ZMYM3: variants seen among roughly 807,000 people sequenced by gnomAD.
ZMYM3 encodes zinc finger MYM-type protein 3.
A neutral mutation model predicts 94.2 loss-of-function variants in ZMYM3; 6 were observed. The ratio of observed to expected loss-of-function variants is 0.06; its 90% confidence interval spans 0.03 to 0.13. The LOEUF is 0.13. Among genes scored for constraint, ZMYM3 ranks in the 10% least tolerant of loss-of-function variants. The probability of loss-of-function intolerance (pLI) is 1.00; values close to 1 mark genes in which losing one functional copy is unlikely to be tolerated. For synonymous variants in ZMYM3, 420 were observed against 426.5 expected, an observed-to-expected ratio of 0.98 and a Z score of 0.19; for missense variants, 664 against 1,132.6, an observed-to-expected ratio of 0.59 and a Z score of 5.94.
chrX:71,242,408 T>C lies in ZMYM3; in HGVS notation c.3564A>G (p.Arg1188=), dbSNP rs2029986135. The change falls in exon 23 of 25, where the codon CGA becomes CGG. Residue 1188 remains arginine (R), a synonymous_variant. Transcript: ENST00000314425. ...TLLPNNTVFS[R]VEEEHLWECK... ...ACTCCCAGAGGTGCTCCTCCTCCAC[T>C]CGAGAGAACACCGTATCTACAATGG... is the stretch of plus-strand genomic sequence containing the variant. 1 of 1,209,054 alleles carries C rather than the reference T, an allele frequency of 8.3e-7. No individual in the cohort carries two copies. The highest frequency in any genetic ancestry group is 1.1e-6 in the Non-Finnish European group (1 of 894,877).
chrX:71,255,082 T>TGATCTC, upstream of ZMYM3: 1 of 75,844 alleles, frequency 1.3e-5, no homozygotes, highest in African/African-American at 4.7e-5. Flanking sequence ...TCACCAGGGC[T>TGATCTC]GATCTCTCTC....
In ZMYM3 at chrX:71,250,640, G is replaced by A; in HGVS notation, c.865C>T (p.Arg289Cys). 1 of 1,210,528 alleles carries A rather than the reference G, an allele frequency of 8.3e-7. No individual in the cohort carries two copies. The highest frequency in any genetic ancestry group is 1.1e-6 in the Non-Finnish European group (1 of 894,814). Residue 289 changes from arginine to cysteine, a missense_variant, in exon 5 of 25, where the codon CGC becomes TGC. By Grantham distance (180) the Arg-to-Cys change is radical (BLOSUM62 -3). This residue lies in a region of ZMYM3 where 45 missense variants were observed against 92.9 expected (regional missense o/e 0.48). Coordinates refer to ENST00000314425, the MANE Select transcript of ZMYM3 (RefSeq NM_201599.3). Reference sequence around the variant, plus strand: ...GACACACTTGAGCGTAGGGACATGCGAGGAGAGCGCCGGGGCCGGAATGGC... The same window carrying A: ...GACACACTTGAGCGTAGGGACATGCAAGGAGAGCGCCGGGGCCGGAATGGC... ...FVPFRPRRSP[R>C]MSLRSSVSQR...
Position 71,246,479 on chromosome X carries a change from G to GGGA in ZMYM3, c.2445_2446insTCC (p.Ala815_Pro816insSer). ...GGGGGTGGTGGGGGTGGAGGGGTGG[G>GGGA]AGCAGTGGGAGCTGATCGGGTCTTC... is the stretch of plus-strand genomic sequence containing the variant. On this transcript the variant is annotated inframe_insertion, in exon 15 of 25. Transcript: ENST00000314425. 2.4e-5 allele frequency: 8 copies of GGGA among 333,458 alleles called. No homozygotes were observed. The highest frequency in any genetic ancestry group is 3.9e-5 in the Non-Finnish European group (7 of 178,498). 27.5% of individuals were successfully genotyped at this position (333,458 alleles called of 1,213,427 possible).
At position 71,246,479 on chromosome X, in the gene ZMYM3, G is replaced by GGGGGGGGGGGGA; in HGVS notation, c.2445_2446insTCCCCCCCCCCC (p.Ala815_Pro816insSerProProPro). On this transcript the variant is annotated inframe_insertion, in exon 15 of 25. Transcript: ENST00000314425. ...GGGGGTGGTGGGGGTGGAGGGGTGG[G>GGGGGGGGGGGGA]AGCAGTGGGAGCTGATCGGGTCTTC... 2.1e-5 allele frequency: 7 copies of GGGGGGGGGGGGA among 333,446 alleles called. No homozygotes were observed. The highest frequency in any genetic ancestry group is 3.6e-5 in the Admixed American group (1 of 28,140). The allele number at this position is 333,446 out of a possible 1,213,427, so 27.5% of individuals were successfully genotyped here.
At chrX:71,251,466 T>A in intron 3 of ZMYM3, 92 bp downstream of exon 3, 1 of 1,083,737 alleles carries the variant, frequency 9.2e-7, no homozygotes, top group East Asian at 3.3e-5. Flanking sequence ...ACACACACTC[T>A]CTACAGAACA....
In ZMYM3 at chrX:71,246,496, C is replaced by T. The variant is rs111331936; in HGVS notation, c.2429G>A (p.Arg810Gln). Residue 810 changes from arginine (R) to glutamine (Q), a missense_variant, in exon 15 of 25, where the codon CGA (arginine) becomes CAA (glutamine). This residue lies in a region of ZMYM3 where 57 missense variants were observed against 52.0 expected (regional missense o/e 1.10). Transcript: ENST00000314425. The part of the protein sequence containing the change: ...GNLGKIPVKT[R>Q]SAPTAPTPPP... ...AGGGGTGGGAGCAGTGGGAGCTGAT[C>T]GGGTCTTCACAGGGATCTGCAAAGA... The T allele has an allele frequency of 1.7e-6, 2 of 1,165,998 alleles. No homozygotes were observed. The highest frequency in any genetic ancestry group is 2.4e-4 in the Middle Eastern group (1 of 4,237).
chrX:71,253,601 C>A (rs1009059413), intron 1 of ZMYM3, among the ~76,000 whole-genome samples: 51 of 84,335 alleles, frequency 6.0e-4, no homozygotes, highest in African/African-American at 2.0e-3. Context: ...TCAGGCTGAA[C>A]GCCCCCTTAG....
chrX:71,247,571 C>A (rs952448189), intron 12 of ZMYM3, 61 bp from the exon 13 acceptor site: 24 of 1,164,006 alleles, frequency 2.1e-5, no homozygotes, highest in Non-Finnish European at 2.8e-5. Context: ...CCCTTTCTTT[C>A]CCCCGGGATA....
At chrX:71,251,368 C>A (rs963939898) in intron 3 of ZMYM3, 124 bp from the exon 4 acceptor site, 3 of 931,858 alleles carry the variant, frequency 3.2e-6, no homozygotes, top group African/African-American at 4.0e-5. Context: ...TTGGCCCAGC[C>A]CTTAGGAGGA....
intron 2 of ZMYM3, among the ~76,000 whole-genome samples, chrX:71,252,131 C>CCT (rs1336024113): frequency 9.0e-6 from 1 of 111,009 alleles, no homozygotes; most frequent in Non-Finnish European, 1.9e-5. Flanking sequence ...ATTTCTATCG[C>CCT]TCTGCTGAAA....
chrX:71,247,061 C>T (rs2030210892), intron 13 of ZMYM3, among the ~76,000 whole-genome samples: 1 of 111,183 alleles, frequency 9.0e-6, no homozygotes, highest in African/African-American at 3.3e-5. Context: ...ATCTCAGAAA[C>T]GTAACCATAA....
rs2030070951 is a variant in ZMYM3 at position 71,244,402 on chromosome X, G to A, written c.3180C>T (p.Thr1060=). ...TGACACCATATGAATAGTTGAGCCC[G>A]GTACAACTAGGCTGACTGCTCATGG... ...RDSMSSQPSC[T]GLNYSYGVNA... Residue 1060 remains threonine, a synonymous_variant, in exon 20 of 25, where the codon ACC becomes ACT. Transcript: ENST00000314425. The A allele has an allele frequency of 3.3e-6, 4 of 1,209,488 alleles. No individual in the cohort carries two copies. Among genetic ancestry groups the A allele is most frequent in the South Asian group, 1.8e-5 (1 of 56,775 alleles).
chrX:71,249,309 C>T, intron 7 of ZMYM3, 140 bp from the exon 8 acceptor site: 1 of 1,143,693 alleles, frequency 8.7e-7, no homozygotes, highest in Non-Finnish European at 1.2e-6. Flanking sequence ...ATCCACCAGC[C>T]AGCTTCAAAA....
At chrX:71,249,391 A>G in intron 7 of ZMYM3, 70 bp downstream of exon 7, 2 of 1,152,705 alleles carry the variant, frequency 1.7e-6, no homozygotes, top group South Asian at 2.0e-5. Flanking sequence ...CCCATCAGCC[A>G]CCTTTATTTA....
intron 22 of ZMYM3, 22 bp from the exon 23 acceptor site, chrX:71,242,446 G>A: frequency 8.3e-7 from 1 of 1,205,301 alleles, no homozygotes; most frequent in East Asian, 3.0e-5. Context: ...AAGGGGGAGA[G>A]GCCAGTCAGG....
At chrX:71,249,816 C>T in intron 6 of ZMYM3, 137 bp from the exon 7 acceptor site, 2 of 1,088,828 alleles carry the variant, frequency 1.8e-6, no homozygotes, top group Non-Finnish European at 2.4e-6. Flanking sequence ...GCGCCGCAGG[C>T]TGCCGACTTG....
chrX:71,244,962 C>A, intron 18 of ZMYM3, 69 bp from the exon 19 acceptor site: 2 of 915,534 alleles, frequency 2.2e-6, no homozygotes, highest in East Asian at 6.6e-5. Context: ...CCTGCCCCAC[C>A]CCTGCTACTT....
chrX:71,250,742 G>T lies in ZMYM3; in HGVS notation c.779-16C>A. 2 of 1,171,892 alleles carry T rather than the reference G, an allele frequency of 1.7e-6. No individual in the cohort carries two copies. Among genetic ancestry groups the T allele is most frequent in the East Asian group, 6.2e-5 (2 of 32,198 alleles). On this transcript the variant is annotated splice_polypyrimidine_tract_variant and intron_variant, in intron 4 of 24. Coordinates refer to ENST00000314425, the MANE Select transcript of ZMYM3 (RefSeq NM_201599.3). ...GACACTGGAACTGAGAAAGTGGGGG[G>T]ATGGACATGAGAAAGGCCACCAAAC...
chrX:71,241,438 A>T, intron 23 of ZMYM3, 94 bp from the exon 24 acceptor site: 2 of 670,798 alleles, frequency 3.0e-6, no homozygotes, highest in Non-Finnish European at 4.3e-6. Flanking sequence ...AGAAGGCGTC[A>T]CGACACAAAT....
Sources: gnomAD v4.1 joint callset for allele counts (sites outside exome capture counted in the v4.1 genomes callset) on GRCh38, gnomAD v4.1.1 for gene constraint, gnomAD v4.1.1 regional missense constraint, MANE v1.5 for transcripts, NCBI Gene and HGNC (gene_info 2026-07-23, HGNC 2026-07-21) for gene names.